RIMS2: variants seen among roughly 807,000 people sequenced by gnomAD.
RIMS2 encodes the protein regulating synaptic membrane exocytosis protein 2.
A neutral mutation model predicts 174.4 loss-of-function variants in RIMS2; 59 were observed. The ratio of observed to expected loss-of-function variants is 0.34; its 90% confidence interval spans 0.27 to 0.42. RIMS2 has a LOEUF of 0.42. Ranked by LOEUF, RIMS2 falls within the 10% of genes least tolerant of loss-of-function variation. RIMS2 has a pLI of 1.00. For missense variants in RIMS2, 1,620 were observed against 1,666.3 expected (o/e 0.97, Z 0.48); for synonymous variants, 606 against 572.5 (o/e 1.06, Z -0.84).
intron 1 of RIMS2, among the ~76,000 whole-genome samples, chr8:103,515,114 A>G (rs1828387427): frequency 6.6e-6 from 1 of 152,166 alleles, no homozygotes; most frequent in Non-Finnish European, 1.5e-5. Flanking sequence ...TCCTCTGATA[A>G]TGAGAATGGT....
At chr8:103,776,976 G>A (rs1004195464) in intron 3 of RIMS2, among the ~76,000 whole-genome samples, 3 of 152,108 alleles carry the variant, frequency 2.0e-5, no homozygotes, top group African/African-American at 7.2e-5. Flanking sequence ...ATATTAGTAA[G>A]TGTTGACATT....
chr8:103,516,625 A>C (rs1829106532), intron 1 of RIMS2, among the ~76,000 whole-genome samples: 1 of 152,192 alleles, frequency 6.6e-6, no homozygotes, highest in African/African-American at 2.4e-5. Flanking sequence ...TATGTGGGAC[A>C]TCTAATACTA....
chr8:103,694,352 G>T (rs950336469), intron 1 of RIMS2, among the ~76,000 whole-genome samples: 3 of 152,100 alleles, frequency 2.0e-5, no homozygotes, highest in Non-Finnish European at 4.4e-5. Context: ...CTTCTGCTGA[G>T]TGGGCCTGGA....
chr8:103,753,778 C>A (rs1012721899), intron 2 of RIMS2, among the ~76,000 whole-genome samples: 3 of 151,978 alleles, frequency 2.0e-5, no homozygotes, highest in African/African-American at 7.2e-5. Context: ...GGTGATATCC[C>A]CTTTCTCATT....
At chr8:103,785,699 A>G in intron 3 of RIMS2, among the ~76,000 whole-genome samples, 1 of 152,104 alleles carries the variant, frequency 6.6e-6, no homozygotes, top group Admixed American at 6.6e-5. Flanking sequence ...TTTTTGCATC[A>G]ATGTTCATCA....
intron 19 of RIMS2, among the ~76,000 whole-genome samples, chr8:104,032,088 C>T (rs1337256692): frequency 6.6e-6 from 1 of 151,980 alleles, no homozygotes; most frequent in Non-Finnish European, 1.5e-5. Context: ...AATTGAAGTA[C>T]TTTAATGCAG....
intron 9 of RIMS2, among the ~76,000 whole-genome samples, chr8:103,921,361 A>G (rs142629352): frequency 2.6e-4 from 40 of 152,244 alleles, no homozygotes; most frequent in Non-Finnish European, 5.7e-4. Flanking sequence ...ATTTTTCTTA[A>G]TATGTCATTG....
intron 1 of RIMS2, among the ~76,000 whole-genome samples, chr8:103,512,397 G>A (rs577499920): frequency 6.6e-6 from 1 of 152,052 alleles, no homozygotes; most frequent in African/African-American, 2.4e-5. Flanking sequence ...AACAACAAAG[G>A]TTTATTTCTT....
At chr8:104,204,342 T>C (rs1285475806) in intron 19 of RIMS2, among the ~76,000 whole-genome samples, 1 of 152,098 alleles carries the variant, frequency 6.6e-6, no homozygotes, top group Non-Finnish European at 1.5e-5. Flanking sequence ...GTAATAAACC[T>C]TTAGTCCTGA....
At chr8:104,003,245 T>A (rs1242488974) in intron 17 of RIMS2, among the ~76,000 whole-genome samples, 4 of 152,070 alleles carry the variant, frequency 2.6e-5, no homozygotes, top group African/African-American at 7.2e-5. Flanking sequence ...AGGAATTATT[T>A]AGATTGATGT....
At chr8:103,563,700 G>A (rs1182020301) in intron 1 of RIMS2, among the ~76,000 whole-genome samples, 1 of 152,048 alleles carries the variant, frequency 6.6e-6, no homozygotes, top group African/African-American at 2.4e-5. Flanking sequence ...CCAATTTACT[G>A]TATTAGTCCA....
chr8:103,864,803 G>A (rs571425500), intron 3 of RIMS2, among the ~76,000 whole-genome samples: 2 of 152,242 alleles, frequency 1.3e-5, no homozygotes, highest in East Asian at 3.9e-4. Context: ...CAGTCACAGA[G>A]TATCAAGTGT....
chr8:103,849,541 G>A (rs894688450), intron 3 of RIMS2, among the ~76,000 whole-genome samples: 2 of 151,956 alleles, frequency 1.3e-5, no homozygotes, highest in East Asian at 3.9e-4. Context: ...AAATTGCAAG[G>A]CATTGTTTTT....
chr8:104,107,970 C>A lies in RIMS2; in HGVS notation c.3334+93355C>A, dbSNP rs75437548. 1.1e-3 allele frequency among the ~76,000 whole-genome samples: 160 copies of A among 149,508 alleles called. 1 individual carries two copies. The East Asian group carries it at 0.021, about 20-fold the overall frequency. On this transcript the variant is annotated intron_variant, in intron 19 of 23. Coordinates refer to ENST00000504942, the Ensembl canonical transcript of RIMS2. ...TAGTCCAGGTGGTCTTTCCCCTGCC[C>A]CCCCCCCACAATGGAAATAAACTAC...
At chr8:103,850,386 C>G (rs552786612) in intron 3 of RIMS2, among the ~76,000 whole-genome samples, 4 of 152,014 alleles carry the variant, frequency 2.6e-5, no homozygotes, top group African/African-American at 9.6e-5. Context: ...AAACAAAATT[C>G]TTACTCCATC....
Position 104,181,346 on chromosome 8 carries a change from T to G in RIMS2, c.3335-63570T>G, listed in dbSNP as rs1032067116. On this transcript the variant is annotated intron_variant, in intron 19 of 23. Coordinates refer to ENST00000504942, the Ensembl canonical transcript of RIMS2. ...TAGAAGTAGGTAAAAAAAATTATGA[T>G]TAATTCAGCATTCTAAGATATTACT... Among the ~76,000 whole-genome samples the G allele has an allele frequency of 2.0e-5, 3 of 151,618 alleles. No individual in the cohort carries two copies. The East Asian group carries it at 5.8e-4, about 29-fold the overall frequency.
chr8:103,636,490 A>G (rs2096076065), intron 1 of RIMS2, among the ~76,000 whole-genome samples: 2 of 144,960 alleles, frequency 1.4e-5, no homozygotes, highest in South Asian at 4.2e-4. Context: ...TGTGGGAGAA[A>G]CATGGTTTCT....
chr8:104,212,877 A>G (rs747713836), intron 19 of RIMS2, among the ~76,000 whole-genome samples: 1 of 152,184 alleles, frequency 6.6e-6, no homozygotes, highest in Non-Finnish European at 1.5e-5. Context: ...GTTGAGACCT[A>G]TGAGAAATGG....
At chr8:103,991,061 A>G (rs1368301991) in intron 17 of RIMS2, among the ~76,000 whole-genome samples, 2 of 151,908 alleles carry the variant, frequency 1.3e-5, no homozygotes, top group Non-Finnish European at 2.9e-5. Flanking sequence ...GGTAATTATC[A>G]TGTCAGAGAT....
Sources: allele counts gnomAD v4.1 joint callset (sites outside exome capture counted in the v4.1 genomes callset), GRCh38; gene constraint gnomAD v4.1.1; transcripts MANE v1.5; gene names NCBI Gene and HGNC (gene_info 2026-07-23, HGNC 2026-07-21).